Variants in DUSP22 observed in about 807,000 individuals in gnomAD.
DUSP22 encodes the protein dual specificity phosphatase 22.
DUSP22 carries 24 observed loss-of-function variants against 24.5 expected under a neutral mutation model. The observed-to-expected ratio is 0.98, with a 90% CI of 0.71 to 1.38. DUSP22 has a LOEUF of 1.38. Among genes scored for constraint, DUSP22 ranks in the 40% most tolerant of loss-of-function variants. The probability of loss-of-function intolerance (pLI) is 0.00; values close to 1 mark genes in which losing one functional copy is unlikely to be tolerated. For synonymous variants in DUSP22, 160 were observed against 106.4 expected (o/e 1.50, Z -3.10); for missense variants, 330 against 269.2 (o/e 1.23, Z -1.58).
At chr6:315,396 A>G (rs1268930903) in intron 3 of DUSP22, among the ~76,000 whole-genome samples, 1 of 152,426 alleles carries the variant, frequency 6.6e-6, no homozygotes, top group African/African-American at 2.4e-5. Flanking sequence ...GAGACAGGAA[A>G]GGACTTGCCT....
intron 3 of DUSP22, among the ~76,000 whole-genome samples, chr6:328,682 G>A (rs975870937): frequency 1.3e-5 from 2 of 152,298 alleles, no homozygotes; most frequent in African/African-American, 4.8e-5. Flanking sequence ...TGGCAAATGG[G>A]TGCTTTAAGA....
At chr6:300,199 C>A (rs1757516223) in intron 1 of DUSP22, among the ~76,000 whole-genome samples, 1 of 152,416 alleles carries the variant, frequency 6.6e-6, no homozygotes, top group South Asian at 2.1e-4. Context: ...ATTTGGGGGC[C>A]CTGGCCTGCG....
At chr6:311,713 T>C (rs1758107034) in intron 2 of DUSP22, among the ~76,000 whole-genome samples, 167 bp from the exon 3 acceptor site, 1 of 151,712 alleles carries the variant, frequency 6.6e-6, no homozygotes, top group African/African-American at 2.4e-5. Flanking sequence ...TTAGGCAAAA[T>C]ATATGAAAGC....
chr6:304,597 A>G (rs557309877), intron 1 of DUSP22, 31 bp from the exon 2 acceptor site: 101 of 1,614,148 alleles, frequency 6.3e-5, no homozygotes, highest in African/African-American at 1.6e-4. Context: ...AGAGTCTGCC[A>G]TGCTCATGTC....
intron 3 of DUSP22, among the ~76,000 whole-genome samples, chr6:334,462 C>A (rs973009584): frequency 6.6e-6 from 1 of 152,202 alleles, no homozygotes; most frequent in Non-Finnish European, 1.5e-5. Flanking sequence ...TTACATAAAC[C>A]TTTTTCTGAG....
At chr6:333,214 C>T (rs1759213187) in intron 3 of DUSP22, among the ~76,000 whole-genome samples, 1 of 152,302 alleles carries the variant, frequency 6.6e-6, no homozygotes, top group South Asian at 2.1e-4. Flanking sequence ...CTGGGGATAA[C>T]AAAGTGAAGG....
chr6:297,064 G>T (rs1757368002), intron 1 of DUSP22, among the ~76,000 whole-genome samples: 1 of 152,302 alleles, frequency 6.6e-6, no homozygotes, highest in South Asian at 2.1e-4. Context: ...TTGCTAAGAG[G>T]GGCTGGCTAA....
chr6:312,014 G>C (rs747399048), intron 3 of DUSP22, 52 bp downstream of exon 3: 1 of 1,577,136 alleles, frequency 6.3e-7, no homozygotes, highest in South Asian at 1.1e-5. Context: ...TATTCCGTGG[G>C]AGTACCTACG....
intron 3 of DUSP22, 92 bp from the exon 4 acceptor site, chr6:335,021 AT>A (rs1256628849): frequency 2.2e-6 from 3 of 1,388,054 alleles, no homozygotes; most frequent in South Asian, 1.3e-5. Flanking sequence ...TTATTTTTTT[AT>A]TTTTTGACCT....
chr6:331,653 C>T (rs546591237), intron 3 of DUSP22, among the ~76,000 whole-genome samples: 13 of 152,418 alleles, frequency 8.5e-5, no homozygotes, highest in African/African-American at 2.9e-4. Context: ...CACTGGGGGA[C>T]TCATGCTGCT....
intron 3 of DUSP22, among the ~76,000 whole-genome samples, chr6:323,956 T>C (rs1359339170): frequency 1.3e-5 from 2 of 152,306 alleles, no homozygotes; most frequent in Non-Finnish European, 2.9e-5. Context: ...TGCAATTAAA[T>C]TGCACTATGG....
chr6:298,477 A>C (rs1170793931), intron 1 of DUSP22, among the ~76,000 whole-genome samples: 2 of 152,298 alleles, frequency 1.3e-5, no homozygotes, highest in Non-Finnish European at 2.9e-5. Context: ...GATGCCATGC[A>C]TCCTGAAGGA....
chr6:349,086 C>T lies in DUSP22; in HGVS notation c.*135C>T, dbSNP rs1315647542. On this transcript the variant is annotated 3_prime_UTR_variant, in exon 7 of 7. Coordinates refer to ENST00000419235, the MANE Select transcript of DUSP22 (RefSeq NM_001286555.3). ...GAGGTGGGGCGAGGGCTCCTTCCCC[C>T]AAGCAACACCGCCCAGCCCTGCTCC... 2.0e-6 allele frequency: 3 copies of T among 1,467,478 alleles called. No individual in the cohort carries two copies. Among genetic ancestry groups the T allele is most frequent in the African/African-American group, 1.4e-5 (1 of 71,166 alleles). The allele number at this position is 1,467,478 out of a possible 1,614,324, so 90.9% of individuals were successfully genotyped here. A position where few individuals can be genotyped will look rare whatever the true frequency, so the allele number is the denominator to read the frequency against.
chr6:297,934 CTG>C (rs1757416512), intron 1 of DUSP22, among the ~76,000 whole-genome samples: 2 of 152,310 alleles, frequency 1.3e-5, no homozygotes, highest in African/African-American at 2.4e-5. Context: ...AGTCAAGACA[CTG>C]TGTTAGATCC....
intron 4 of DUSP22, among the ~76,000 whole-genome samples, chr6:341,857 G>A (rs1415905579): frequency 6.6e-6 from 1 of 152,304 alleles, no homozygotes; most frequent in African/African-American, 2.4e-5. Flanking sequence ...ACGCCCACTC[G>A]GCTCTCTGGG....
At chr6:316,179 C>A (rs1226877219) in intron 3 of DUSP22, among the ~76,000 whole-genome samples, 2 of 152,300 alleles carry the variant, frequency 1.3e-5, no homozygotes, top group Non-Finnish European at 2.9e-5. Context: ...GGCTGGTTCT[C>A]ACATCATCTG....
intron 1 of DUSP22, among the ~76,000 whole-genome samples, chr6:298,924 G>A (rs1757461017): frequency 6.6e-6 from 1 of 152,300 alleles, no homozygotes. Flanking sequence ...ACTGATAAAT[G>A]TGGTGAAGAA....
At chr6:337,446 G>T (rs1759407020) in intron 4 of DUSP22, among the ~76,000 whole-genome samples, 1 of 152,294 alleles carries the variant, frequency 6.6e-6, no homozygotes, top group Non-Finnish European at 1.5e-5. Context: ...AACAAGTTTT[G>T]GTGCCCAGGA....
intron 3 of DUSP22, among the ~76,000 whole-genome samples, chr6:322,323 C>T (rs1291857557): frequency 1.3e-5 from 2 of 152,308 alleles, no homozygotes; most frequent in Non-Finnish European, 2.9e-5. Context: ...TCTTGGGAGA[C>T]ACACATCTTT....
Sources: allele counts gnomAD v4.1 joint callset (sites outside exome capture counted in the v4.1 genomes callset), GRCh38; gene constraint gnomAD v4.1.1; transcripts MANE v1.5; gene names NCBI Gene and HGNC (gene_info 2026-07-23, HGNC 2026-07-21).